The following SV2A variants were observed in gnomAD, a reference collection of about 807,000 sequenced individuals.
SV2A encodes synaptic vesicle glycoprotein 2A, also known as solute carrier family 22 member B1.
A neutral mutation model predicts 78.0 loss-of-function variants in SV2A; 25 were observed. That is an observed-to-expected ratio of 0.32 (90% CI 0.23 to 0.45). SV2A has a LOEUF of 0.45. SV2A is among the 20% of genes least tolerant of loss of function. The pLI is 1.00. For missense variants in SV2A, 752 were observed against 971.5 expected, an observed-to-expected ratio of 0.77 and a Z score of 3.00; for synonymous variants, 355 against 384.7, an observed-to-expected ratio of 0.92 and a Z score of 0.90.
chr1:149,917,143 C>G (rs1488062386), intron 1 of SV2A, among the ~76,000 whole-genome samples: 1 of 151,992 alleles, frequency 6.6e-6, no homozygotes. Flanking sequence ...ACTCAACATC[C>G]CTTCCCCCCA....
chr1:149,909,291 C>T lies in SV2A; in HGVS notation c.1291-11G>A. 6.2e-7 allele frequency: 1 copy of T among 1,613,588 alleles called. No individual in the cohort carries two copies. Among genetic ancestry groups the T allele is most frequent in the South Asian group, 1.1e-5 (1 of 91,068 alleles). On this transcript the variant is annotated splice_polypyrimidine_tract_variant and intron_variant, in intron 7 of 12. Transcript: ENST00000369146. ...AAAATTCCCCCAAACCTACAGGGGA[C>T]CAGACAAAGTCAGACCTTGACTATA... is the stretch of plus-strand genomic sequence containing the variant.
At position 149,911,868 on chromosome 1, in the gene SV2A, G is replaced by C; in HGVS notation, c.735C>G (p.Phe245Leu). 6.2e-7 allele frequency: 1 copy of C among 1,614,148 alleles called. No individual in the cohort carries two copies. The highest frequency in any genetic ancestry group is 8.5e-7 in the Non-Finnish European group (1 of 1,180,028). Reference protein sequence around the residue: ...LLISLSVNSVFAFFSSFVQGY... With the variant: ...LLISLSVNSVLAFFSSFVQGY... ...CCTGGACAAAAGATGAGAAGAAGGCGAAGACGCTGTTGACTGAGAGCGAGA... is the reference window on the plus strand; with the variant it reads ...CCTGGACAAAAGATGAGAAGAAGGCCAAGACGCTGTTGACTGAGAGCGAGA... The change falls in exon 3 of 13, where the codon TTC (phenylalanine) becomes TTG (leucine). Residue 245 changes from phenylalanine to leucine, a missense_variant. Coordinates refer to ENST00000369146, the MANE Select transcript of SV2A (RefSeq NM_014849.5).
chr1:149,915,710 G>A (rs1553764452), intron 1 of SV2A, among the ~76,000 whole-genome samples: 1 of 152,140 alleles, frequency 6.6e-6, no homozygotes, highest in Non-Finnish European at 1.5e-5. Flanking sequence ...TGCGTAGGAG[G>A]CGGATGTAGA....
At chr1:149,917,366 C>T (rs1358791627) in intron 1 of SV2A, among the ~76,000 whole-genome samples, 4 of 151,922 alleles carry the variant, frequency 2.6e-5, no homozygotes, top group Non-Finnish European at 5.9e-5. Context: ...ATCATTCATC[C>T]TGGGGGTGGG....
In SV2A at chr1:149,908,119, C is replaced by T; in HGVS notation, c.1467G>A (p.Gly489=). Residue 489 remains glycine (G), a synonymous_variant, in exon 9 of 13, where the codon GGG becomes GGA. Transcript: ENST00000369146. ...DYASRTKVFP[G]ERVEHVTFNF... ...TAAAAGTTACATGCTCTACGCGCTC[C>T]CCGGGGAACACTTTGGTGCGGGATG... 2 of 1,614,184 alleles carry T rather than the reference C, an allele frequency of 1.2e-6. No individual in the cohort carries two copies. Among genetic ancestry groups the T allele is most frequent in the Non-Finnish European group, 1.7e-6 (2 of 1,180,026 alleles).
At position 149,905,623 on chromosome 1, in the gene SV2A, A is replaced by G; in HGVS notation, c.2045+257T>C. 1.0e-5 allele frequency: 4 copies of G among 399,420 alleles called. No individual in the cohort carries two copies. In the South Asian group the frequency reaches 1.2e-4, roughly 12 times the overall value. The allele number at this position is 399,420 out of a possible 1,614,324, so 24.7% of individuals were successfully genotyped here. A position where few individuals can be genotyped will look rare whatever the true frequency, so the allele number is the denominator to read the frequency against. On this transcript the variant is annotated intron_variant, in intron 12 of 12. Transcript: ENST00000369146. ...CACCCAGCTAACTTTTTGTATTTTTAGTACAGACAGGGTTTCACCATGTTG... is the reference window on the plus strand; with the variant it reads ...CACCCAGCTAACTTTTTGTATTTTTGGTACAGACAGGGTTTCACCATGTTG...
At chr1:149,911,082 G>A (rs1473207402) in intron 3 of SV2A, 105 bp from the exon 4 acceptor site, 7 of 1,422,318 alleles carry the variant, frequency 4.9e-6, no homozygotes, top group East Asian at 2.3e-5. Context: ...GGCTTTTGAA[G>A]AGACTCCATC....
At chr1:149,912,288 G>T (rs1392741254) in intron 2 of SV2A, among the ~76,000 whole-genome samples, 1 of 152,110 alleles carries the variant, frequency 6.6e-6, no homozygotes, top group East Asian at 1.9e-4. Flanking sequence ...CACTTTGAAG[G>T]AGGAATGGGT....
chr1:149,909,706 G>C, intron 6 of SV2A, 95 bp downstream of exon 6: 1 of 1,469,444 alleles, frequency 6.8e-7, no homozygotes, highest in Admixed American at 1.7e-5. Context: ...CCTTACGGTA[G>C]AGTGTGGTCT....
At chr1:149,905,497 A>G (rs1447214774) in intron 12 of SV2A, 2 of 294,370 alleles carry the variant, frequency 6.8e-6, no homozygotes, top group African/African-American at 4.7e-5. Flanking sequence ...TCTGTTGCCC[A>G]GGCTGGAGTG....
At chr1:149,913,085 G>A (rs1268020365) in intron 2 of SV2A, 134 bp downstream of exon 2, 1 of 1,166,780 alleles carries the variant, frequency 8.6e-7, no homozygotes, top group South Asian at 1.5e-5. Context: ...AGTGTGCAGA[G>A]GAACCCTGAG....
chr1:149,906,798 G>T lies in SV2A; in HGVS notation c.1737C>A (p.Asn579Lys), dbSNP rs1268649525. The change falls in exon 11 of 13, where the codon AAC (asparagine) becomes AAA (lysine). Residue 579 changes from asparagine to lysine, a missense_variant. By Grantham distance (94) the Asn-to-Lys change is moderately conservative (BLOSUM62 0). This residue lies in a region of SV2A where 186 missense variants were observed against 274.6 expected (regional missense o/e 0.68). Transcript: ENST00000369146. ...TCACGTCTAGCGGGCAGCCCTCCTT[G>T]TTGTGCAGGAATGTACTGTTTATCA... is the stretch of plus-strand genomic sequence containing the variant. ...SRLINSTFLH[N>K]KEGCPLDVTG... is the part of the protein sequence containing the mutation. 1.1e-5 allele frequency: 18 copies of T among 1,614,072 alleles called. No homozygotes were observed. Among genetic ancestry groups the T allele is most frequent in the Non-Finnish European group, 1.4e-5 (17 of 1,180,042 alleles).
In SV2A at chr1:149,906,782, G is replaced by C; in HGVS notation, c.1753C>G (p.Leu585Val). The change falls in exon 11 of 13, where the codon CTA becomes GTA. Residue 585 changes from leucine to valine, a missense_variant. This residue lies in a region of SV2A where 186 missense variants were observed against 274.6 expected (regional missense o/e 0.68). Coordinates refer to ENST00000369146, the MANE Select transcript of SV2A (RefSeq NM_014849.5). ...TFLHNKEGCP[L>V]DVTGTGEGAY... ...CCTTCGCCCGTCCCTGTCACGTCTA[G>C]CGGGCAGCCCTCCTTGTTGTGCAGG... The C allele has an allele frequency of 6.2e-7, 1 of 1,614,220 alleles. No individual in the cohort carries two copies. Among genetic ancestry groups the C allele is most frequent in the Non-Finnish European group, 8.5e-7 (1 of 1,180,040 alleles).
rs2092466948 is a variant in SV2A, at chr1:149,910,221, T to C, written c.1090-331A>G. ...AGGTAAGGGAAATGATGGGCAAGCA[T>C]GTAGTCAAAGACCTAATCCTGCTGG... On this transcript the variant is annotated intron_variant, in intron 5 of 12. Transcript: ENST00000369146. This position sits in a 1 kb window ranked among gnomAD's most constrained non-coding sequence, Gnocchi z 4.2. 6.6e-6 allele frequency among the ~76,000 whole-genome samples: 1 copy of C among 152,092 alleles called. No homozygotes were observed.
In SV2A at chr1:149,910,536, C is replaced by T. The variant is rs1553763549; in HGVS notation, c.1089+34G>A. The T allele has an allele frequency of 6.4e-7, 1 of 1,565,978 alleles. No individual in the cohort carries two copies. Among genetic ancestry groups the T allele is most frequent in the Non-Finnish European group, 8.6e-7 (1 of 1,157,766 alleles). ...TGCCGTCCACACTCCACAGCCCGCACCCCACCCCACCCCATGCAGCTCAGC... is the reference window on the plus strand; with the variant it reads ...TGCCGTCCACACTCCACAGCCCGCATCCCACCCCACCCCATGCAGCTCAGC... On this transcript the variant is annotated intron_variant, in intron 5 of 12. Transcript: ENST00000369146. This position sits in a 1 kb window ranked among gnomAD's most constrained non-coding sequence, Gnocchi z 4.2.
chr1:149,910,896 C>G lies in SV2A; in HGVS notation c.885G>C (p.Trp295Cys). The G allele has an allele frequency of 6.2e-7, 1 of 1,614,220 alleles. No homozygotes were observed. Among genetic ancestry groups the G allele is most frequent in the Non-Finnish European group, 8.5e-7 (1 of 1,180,036 alleles). Residue 295 changes from tryptophan (W) to cysteine (C), a missense_variant, in exon 4 of 13, where the codon TGG becomes TGC. Physicochemically the swap from Trp to Cys is radical, Grantham distance 215. Around this residue, in one of 7 missense-constraint regions of SV2A, gnomAD observed 43 missense variants for 70.8 expected, o/e 0.61. Transcript: ENST00000369146. The surrounding 1 kb of genome is among the most constrained non-coding windows in gnomAD (Gnocchi z 4.2). ...CACCAATCATCCAAAACATGCAGAG[C>G]CAGCTCAAATGCTCCCCTCGTTTCT... is the stretch of plus-strand genomic sequence containing the variant. ...AQEKRGEHLS[W>C]LCMFWMIGGV...
intron 10 of SV2A, among the ~76,000 whole-genome samples, chr1:149,907,430 A>G (rs113651486): frequency 6.6e-6 from 1 of 152,208 alleles, no homozygotes; most frequent in African/African-American, 2.4e-5. Context: ...CCTTCTTCAA[A>G]AGTGCATTAA....
rs146579446 is a variant in SV2A, at chr1:149,909,833, G to A, written c.1147C>T (p.Arg383Ter). The change falls in exon 6 of 13, where the codon CGA becomes TGA. Residue 383 changes from arginine (R) to a stop codon, truncating the protein, a stop_gained. Transcript: ENST00000369146. LOFTEE classifies it high-confidence loss of function. ...ACTCGCTCAGGATGTCCTTTGGCTC[G>A]CATGTTGGTATCATGGACCTGCTTC... ...VLKQVHDTNM[R>*]AKGHPERVFS... 9 of 1,613,976 alleles carry A rather than the reference G, an allele frequency of 5.6e-6. No individual in the cohort carries two copies. Among genetic ancestry groups the A allele is most frequent in the Non-Finnish European group, 6.8e-6 (8 of 1,179,986 alleles).
At chr1:149,912,124 T>C in intron 2 of SV2A, 144 bp from the exon 3 acceptor site, 1 of 807,674 alleles carries the variant, frequency 1.2e-6, no homozygotes, top group East Asian at 2.7e-5. Flanking sequence ...TGAGAGAAAA[T>C]GAATGGTGTA....
Sources: gnomAD v4.1 joint callset for allele counts (sites outside exome capture counted in the v4.1 genomes callset) on GRCh38, gnomAD v4.1.1 for gene constraint, gnomAD v4.1.1 regional missense constraint, Gnocchi (gnomAD v3.1) non-coding constraint, MANE v1.5 for transcripts, NCBI Gene and HGNC (gene_info 2026-07-23, HGNC 2026-07-21) for gene names.